EHHADH: variants seen among roughly 807,000 people sequenced by gnomAD.
EHHADH encodes peroxisomal bifunctional enzyme.
Under a neutral mutation model 64.4 loss-of-function variants are expected in EHHADH, and 48 were observed. That is an observed-to-expected ratio of 0.75 (90% CI 0.59 to 0.95). The LOEUF is 0.95. Among genes scored for constraint, EHHADH ranks in the 40% least tolerant of loss-of-function variants. EHHADH has a pLI of 0.00. For synonymous variants in EHHADH, 308 were observed against 326.7 expected, an observed-to-expected ratio of 0.94 and a Z score of 0.62; for missense variants, 854 against 876.6, an observed-to-expected ratio of 0.97 and a Z score of 0.33.
At chr3:185,229,967 C>T (rs1428569097) in intron 3 of EHHADH, among the ~76,000 whole-genome samples, 1 of 152,048 alleles carries the variant, frequency 6.6e-6, no homozygotes, top group Non-Finnish European at 1.5e-5. Context: ...AAGAACTTTA[C>T]AAATCAATAA....
In EHHADH at chr3:185,191,399, A is replaced by G. The variant is rs1717863633; in HGVS notation, c.*827T>C. 6.6e-6 allele frequency: 1 copy of G among 152,212 alleles called. No individual in the cohort carries two copies. The highest frequency in any genetic ancestry group is 2.4e-5 in the African/African-American group (1 of 41,458). 9.4% of individuals were successfully genotyped at this position (152,212 alleles called of 1,614,324 possible). On this transcript the variant is annotated 3_prime_UTR_variant, in exon 7 of 7. Transcript: ENST00000231887. ...ATAATTCTGCTATAAATATTTGTGT[A>G]CAAGTTTTTGTATTGACCAGCCCCT...
chr3:185,231,901 T>C (rs1407291958), intron 3 of EHHADH, among the ~76,000 whole-genome samples: 2 of 152,216 alleles, frequency 1.3e-5, no homozygotes, highest in Non-Finnish European at 2.9e-5. Context: ...AATATACTCA[T>C]ATACCATTGA....
chr3:185,198,097 C>A (rs571073065), intron 6 of EHHADH, among the ~76,000 whole-genome samples: 1 of 151,628 alleles, frequency 6.6e-6, no homozygotes, highest in East Asian at 2.0e-4. Flanking sequence ...GTGCCTGGCC[C>A]CTGCTTTCAA....
chr3:185,248,415 T>C lies in EHHADH; in HGVS notation c.177A>G (p.Ala59=), dbSNP rs773591639. ...VICGAEGKFS[A]GADIRGFSAP... ...GGGAGAGGGTTAGACTTGAGTTACC[T>C]GCAGAAAATTTGCCCTCTGCTCCAC... Residue 59 remains alanine, a splice_region_variant and synonymous_variant, in exon 2 of 7, where the codon GCA becomes GCG. Transcript: ENST00000231887. The C allele has an allele frequency of 1.2e-6, 2 of 1,610,288 alleles. No homozygotes were observed. Among genetic ancestry groups the C allele is most frequent in the Admixed American group, 1.7e-5 (1 of 59,984 alleles).
At chr3:185,245,981 C>A (rs567541460) in intron 2 of EHHADH, 19 of 1,495,132 alleles carry the variant, frequency 1.3e-5, no homozygotes, top group Non-Finnish European at 1.8e-5. Flanking sequence ...GAATGAGATA[C>A]CATCATCTTT....
At chr3:185,204,132 CAAAAAAAAAAAAA>C (rs1220063126) in intron 6 of EHHADH, among the ~76,000 whole-genome samples, 1 of 30,528 alleles carries the variant, frequency 3.3e-5, no homozygotes, top group Non-Finnish European at 7.1e-5. Context: ...GACTCTGTCT[CAAAAAAAAAAAAA>C]AAAAAAAAAA....
intron 2 of EHHADH, among the ~76,000 whole-genome samples, chr3:185,237,334 T>G (rs1188737979): frequency 6.6e-6 from 1 of 152,326 alleles, no homozygotes; most frequent in East Asian, 1.9e-4. Context: ...TTCTTCTTTT[T>G]CATTCCTTAT....
intron 6 of EHHADH, among the ~76,000 whole-genome samples, chr3:185,199,895 C>T (rs1241981540): frequency 6.6e-6 from 1 of 152,126 alleles, no homozygotes; most frequent in Non-Finnish European, 1.5e-5. Context: ...GAGGCATGTG[C>T]CACCATGCCC....
chr3:185,202,435 C>T (rs779981917), intron 6 of EHHADH, among the ~76,000 whole-genome samples: 1 of 151,728 alleles, frequency 6.6e-6, no homozygotes, highest in African/African-American at 2.4e-5. Flanking sequence ...GAGACAGATT[C>T]TTTGATACCA....
intron 2 of EHHADH, 66 bp downstream of exon 2, chr3:185,248,348 T>C (rs1173296937): frequency 9.0e-7 from 1 of 1,110,312 alleles, no homozygotes; most frequent in South Asian, 1.2e-5. Flanking sequence ...GCACAGCTAA[T>C]GCAGTATTGG....
chr3:185,226,385 A>G (rs1179614009), intron 4 of EHHADH, among the ~76,000 whole-genome samples: 1 of 152,212 alleles, frequency 6.6e-6, no homozygotes, highest in African/African-American at 2.4e-5. Context: ...ACAGTGGCTC[A>G]CGCCTGTAAT....
intron 6 of EHHADH, among the ~76,000 whole-genome samples, chr3:185,195,732 C>T (rs890061438): frequency 2.0e-5 from 3 of 152,138 alleles, no homozygotes; most frequent in East Asian, 1.9e-4. Context: ...ACACTGGGTA[C>T]ACATGGCCCC....
In EHHADH at chr3:185,248,413, C is replaced by T. The variant is rs769966690; in HGVS notation, c.178+1G>A. 2.5e-6 allele frequency: 4 copies of T among 1,608,958 alleles called. No homozygotes were observed. Among genetic ancestry groups the T allele is most frequent in the Non-Finnish European group, 1.7e-6 (2 of 1,175,336 alleles). ...GTGGGAGAGGGTTAGACTTGAGTTA[C>T]CTGCAGAAAATTTGCCCTCTGCTCC... On this transcript the variant is annotated splice_donor_variant, in intron 2 of 6. Coordinates refer to ENST00000231887, the MANE Select transcript of EHHADH (RefSeq NM_001966.4). LOFTEE classifies it high-confidence loss of function.
intron 6 of EHHADH, among the ~76,000 whole-genome samples, chr3:185,202,338 CAA>C (rs35411232): frequency 0.15 from 19,389 of 126,268 alleles, 1,986 homozygotes; most frequent in African/African-American, 0.31. Context: ...AACTCCATAT[CAA>C]AAAAAAAAAA....
intron 4 of EHHADH, among the ~76,000 whole-genome samples, chr3:185,228,968 T>A (rs1391336105): frequency 6.6e-6 from 1 of 151,920 alleles, no homozygotes; most frequent in Non-Finnish European, 1.5e-5. Context: ...CATGCCCAGG[T>A]AATTTTTTTG....
At chr3:185,228,835 G>A (rs1405064265) in intron 4 of EHHADH, among the ~76,000 whole-genome samples, 1 of 151,468 alleles carries the variant, frequency 6.6e-6, no homozygotes, top group Non-Finnish European at 1.5e-5. Context: ...GATGAGTCTC[G>A]CTCTGTTGCC....
chr3:185,232,637 G>A (rs1450975338), intron 3 of EHHADH, among the ~76,000 whole-genome samples: 5 of 152,062 alleles, frequency 3.3e-5, no homozygotes, highest in East Asian at 1.9e-4. Flanking sequence ...TAGTAGAGGC[G>A]GGATTTCTCC....
intron 4 of EHHADH, among the ~76,000 whole-genome samples, chr3:185,227,699 G>A (rs547298757): frequency 1.8e-3 from 277 of 152,184 alleles, no homozygotes; most frequent in African/African-American, 6.5e-3. Context: ...GGAGGTGCAT[G>A]CCTGTAATCC....
chr3:185,237,258 T>A (rs1719319173), intron 2 of EHHADH, among the ~76,000 whole-genome samples: 2 of 152,212 alleles, frequency 1.3e-5, no homozygotes, highest in Non-Finnish European at 2.9e-5. Context: ...ATTCTAACAA[T>A]TTTTTAATAG....
Sources: allele counts gnomAD v4.1 joint callset (sites outside exome capture counted in the v4.1 genomes callset), GRCh38; gene constraint gnomAD v4.1.1; transcripts MANE v1.5; gene names NCBI Gene and HGNC (gene_info 2026-07-23, HGNC 2026-07-21).